Variants in RPSA2 observed in about 807,000 individuals in gnomAD.
The protein encoded by RPSA2 is small ribosomal subunit protein uS2B.
chr19:23,846,074 A>G, the RPSA2 span, among the ~76,000 whole-genome samples: 2 of 152,094 alleles, frequency 1.3e-5, no homozygotes, highest in East Asian at 1.9e-4. Flanking sequence ...AGATGTGTCC[A>G]TCTCTTTCTA....
the RPSA2 span, among the ~76,000 whole-genome samples, chr19:23,824,584 T>TTTTTTTTTTTTTC: frequency 7.0e-4 from 1 of 1,434 alleles, no homozygotes; most frequent in Non-Finnish European, 9.3e-3. Context: ...GCATTTCTTT[T>TTTTTTTTTTTTTC]TTTTTTTTTT....
At chr19:23,833,245 C>G in the RPSA2 span, 1 of 389,136 alleles carries the variant, frequency 2.6e-6, no homozygotes, top group Non-Finnish European at 3.4e-6. Flanking sequence ...ATTTGGCAAA[C>G]CTTTAATCCT....
chr19:23,782,069 C>T, the RPSA2 span: 9 of 153,064 alleles, frequency 5.9e-5, no homozygotes, highest in African/African-American at 1.7e-4. Flanking sequence ...TTGCTTTTGC[C>T]CTAAACATAT....
chr19:23,845,364 C>A, the RPSA2 span, among the ~76,000 whole-genome samples: 11 of 150,440 alleles, frequency 7.3e-5, no homozygotes, highest in Admixed American at 5.3e-4. Flanking sequence ...AACATGTAAG[C>A]TTTCTACTTT....
At chr19:23,841,648 A>G in the RPSA2 span, among the ~76,000 whole-genome samples, 4 of 152,106 alleles carry the variant, frequency 2.6e-5, no homozygotes, top group African/African-American at 9.7e-5. Flanking sequence ...ACACTCATGG[A>G]ATTGTGGGCA....
chr19:23,790,979 A>G, the RPSA2 span, among the ~76,000 whole-genome samples: 1 of 152,284 alleles, frequency 6.6e-6, no homozygotes, highest in East Asian at 1.9e-4. Flanking sequence ...CTGTCTTCCC[A>G]GTGCATTGGC....
At chr19:23,852,129 C>A in the RPSA2 span, among the ~76,000 whole-genome samples, 3 of 152,174 alleles carry the variant, frequency 2.0e-5, no homozygotes, top group African/African-American at 4.8e-5. Flanking sequence ...GTACCCTAGA[C>A]AACTGGGCAG....
the RPSA2 span, among the ~76,000 whole-genome samples, chr19:23,782,885 C>A: frequency 2.8e-4 from 43 of 152,188 alleles, no homozygotes; most frequent in African/African-American, 8.9e-4. Context: ...GGCTTCTCAC[C>A]TAGGTAATGT....
the RPSA2 span, among the ~76,000 whole-genome samples, chr19:23,861,264 C>T: frequency 6.6e-6 from 1 of 152,126 alleles, no homozygotes; most frequent in East Asian, 1.9e-4. Flanking sequence ...ATTAAATTTC[C>T]CAAACACTTA....
At chr19:23,824,875 C>A in the RPSA2 span, among the ~76,000 whole-genome samples, 2 of 150,162 alleles carry the variant, frequency 1.3e-5, no homozygotes, top group Non-Finnish European at 3.0e-5. Flanking sequence ...CCTTTTTTAT[C>A]TTCAAATAAC....
At chr19:23,830,940 G>A in the RPSA2 span, among the ~76,000 whole-genome samples, 1 of 151,916 alleles carries the variant, frequency 6.6e-6, no homozygotes, top group African/African-American at 2.4e-5. Context: ...GTTTTGGCTG[G>A]TGATTATGGG....
chr19:23,844,318 G>T, the RPSA2 span, among the ~76,000 whole-genome samples: 1 of 151,980 alleles, frequency 6.6e-6, no homozygotes, highest in African/African-American at 2.4e-5. Context: ...TGTATGTATG[G>T]TTTGCTATTG....
chr19:23,856,839 G>T, the RPSA2 span, among the ~76,000 whole-genome samples: 1 of 152,130 alleles, frequency 6.6e-6, no homozygotes, highest in East Asian at 1.9e-4. Context: ...TAAGAACAGG[G>T]AGTAGGTCAC....
chr19:23,773,308 C>G, the RPSA2 span, among the ~76,000 whole-genome samples: 1 of 144,902 alleles, frequency 6.9e-6, no homozygotes, highest in African/African-American at 2.6e-5. Context: ...TTTTTTAAGA[C>G]AGAGTCTCAC....
chr19:23,799,469 C>T, the RPSA2 span: 1 of 152,246 alleles, frequency 6.6e-6, no homozygotes, highest in African/African-American at 2.4e-5. Flanking sequence ...GGGAGGCTCT[C>T]TTCCTGCAGC....
the RPSA2 span, among the ~76,000 whole-genome samples, chr19:23,791,859 T>C: frequency 1.3e-5 from 2 of 151,864 alleles, no homozygotes; most frequent in African/African-American, 4.8e-5. Flanking sequence ...CCTGCCTCAG[T>C]CTCCTGAGTA....
the RPSA2 span, among the ~76,000 whole-genome samples, chr19:23,810,012 C>T: frequency 6.6e-6 from 1 of 152,014 alleles, no homozygotes; most frequent in Non-Finnish European, 1.5e-5. Flanking sequence ...ATAGAATGCC[C>T]TCTGGGTTTG....
chr19:23,848,068 T>G, the RPSA2 span, among the ~76,000 whole-genome samples: 1 of 152,186 alleles, frequency 6.6e-6, no homozygotes, highest in Non-Finnish European at 1.5e-5. Flanking sequence ...TTACAATCAA[T>G]TTGTACAGTT....
the RPSA2 span, among the ~76,000 whole-genome samples, chr19:23,798,511 G>A: frequency 6.6e-6 from 1 of 152,096 alleles, no homozygotes; most frequent in Non-Finnish European, 1.5e-5. Flanking sequence ...AAGCCACAAT[G>A]TCTACTTTGA....
Sources: gnomAD v4.1 joint callset for allele counts (sites outside exome capture counted in the v4.1 genomes callset) on GRCh38, gnomAD v4.1.1 for gene constraint, MANE v1.5 for transcripts, NCBI Gene and HGNC (gene_info 2026-07-23, HGNC 2026-07-21) for gene names.